Variants in KCTD18 observed in about 807,000 individuals in gnomAD.
KCTD18 encodes the protein potassium channel tetramerization domain containing 18.
Under a neutral mutation model 30.4 loss-of-function variants are expected in KCTD18, and 22 were observed. The observed-to-expected ratio is 0.72, with a 90% CI of 0.52 to 1.03. KCTD18 has a LOEUF of 1.03. Among genes scored for constraint, KCTD18 ranks in the 50% least tolerant of loss-of-function variants. KCTD18 has a pLI of 0.00. For missense variants in KCTD18, 529 were observed against 547.6 expected (o/e 0.97, Z 0.34); for synonymous variants, 186 against 209.0 (o/e 0.89, Z 0.95).
At chr2:200,500,249 C>T (rs755060991) in intron 3 of KCTD18, among the ~76,000 whole-genome samples, 4 of 148,726 alleles carry the variant, frequency 2.7e-5, no homozygotes, top group African/African-American at 9.8e-5. Context: ...CTCACCACTC[C>T]TATTCAACAT....
At chr2:200,492,917 T>C (rs1253107137) in intron 6 of KCTD18, among the ~76,000 whole-genome samples, 1 of 97,998 alleles carries the variant, frequency 1.0e-5, no homozygotes, top group African/African-American at 3.0e-5. Flanking sequence ...CTGTGTCCAC[T>C]AGTAATTTTA....
intron 5 of KCTD18, 53 bp from the exon 6 acceptor site, chr2:200,493,327 G>A (rs2087950772): frequency 3.8e-6 from 4 of 1,046,146 alleles, no homozygotes; most frequent in African/African-American, 1.6e-5. Flanking sequence ...GCAAAATGCT[G>A]AGCAACACTG....
chr2:200,502,365 TTAGAG>T lies in KCTD18; in HGVS notation c.372+2378_372+2382del, dbSNP rs551325350. Among the ~76,000 whole-genome samples the T allele has an allele frequency of 1.1e-4, 16 of 152,278 alleles. 1 individual carries two copies. The South Asian group carries it at 3.1e-3, about 30-fold the overall frequency. ...AAATGTAGACCTTTTTCTTTTCCCT[TTAGAG>T]TAATTTCCCCAAAATTTCCCATTTT... On this transcript the variant is annotated intron_variant, in intron 3 of 6. Transcript: ENST00000359878.
intron 3 of KCTD18, among the ~76,000 whole-genome samples, chr2:200,504,435 G>T (rs1197946969): frequency 6.6e-6 from 1 of 150,446 alleles, no homozygotes; most frequent in African/African-American, 2.5e-5. Context: ...CTCCAGCCTG[G>T]GGGACAGAGC....
chr2:200,490,648 T>C (rs765961264), intron 6 of KCTD18, 32 bp from the exon 7 acceptor site: 8 of 1,540,530 alleles, frequency 5.2e-6, no homozygotes, highest in East Asian at 2.3e-5. Flanking sequence ...ATTTTCCACA[T>C]GTATAGTTTT....
intron 3 of KCTD18, among the ~76,000 whole-genome samples, chr2:200,502,535 TC>T (rs2029912706): frequency 6.6e-6 from 1 of 152,166 alleles, no homozygotes; most frequent in South Asian, 2.1e-4. Context: ...ATATCTAAAC[TC>T]CGTATATGCT....
chr2:200,507,066 CA>C lies in KCTD18; in HGVS notation c.-51del. 1 of 1,498,734 alleles carries C rather than the reference CA, an allele frequency of 6.7e-7. No individual in the cohort carries two copies. Among genetic ancestry groups the C allele is most frequent in the South Asian group, 1.2e-5 (1 of 83,806 alleles). The allele number at this position is 1,498,734 out of a possible 1,614,324, so 92.8% of individuals were successfully genotyped here. A position where few individuals can be genotyped will look rare whatever the true frequency, so the allele number is the denominator to read the frequency against. Reference sequence around the variant, plus strand: ...TGCCGCCCAACACTTTCAGAAACTTCAAAACAATGATGTCTTGGTCTCCCTC... The same window carrying C: ...TGCCGCCCAACACTTTCAGAAACTTCAAACAATGATGTCTTGGTCTCCCTC... On this transcript the variant is annotated 5_prime_UTR_variant, in exon 2 of 7. It removes the in-frame stop codon of an upstream open reading frame in the 5' UTR. Coordinates refer to ENST00000359878, the MANE Select transcript of KCTD18 (RefSeq NM_152387.4).
In KCTD18 at chr2:200,506,866, C is replaced by T. The variant is rs2030226892; in HGVS notation, c.151G>A (p.Asp51Asn). 1 of 1,613,596 alleles carries T rather than the reference C, an allele frequency of 6.2e-7. No homozygotes were observed. Among genetic ancestry groups the T allele is most frequent in the African/African-American group, 1.3e-5 (1 of 75,002 alleles). ...MFSGRFPLKT[D>N]ESGACVIDRD... ...GACTTTAGACATTTACCTGACTCAT[C>T]TGTTTTTAGAGGAAAGCGACCACTG... Residue 51 changes from aspartate to asparagine, a missense_variant, in exon 2 of 7, where the codon GAT becomes AAT. Physicochemically the swap from Asp to Asn is conservative, Grantham distance 23. Coordinates refer to ENST00000359878, the MANE Select transcript of KCTD18 (RefSeq NM_152387.4).
intron 6 of KCTD18, among the ~76,000 whole-genome samples, chr2:200,491,699 C>T (rs759789532): frequency 4.6e-5 from 7 of 152,030 alleles, no homozygotes; most frequent in Admixed American, 6.6e-5. Context: ...ACCTTAAAAC[C>T]GTCAAACAAT....
At chr2:200,497,665 TA>T in intron 5 of KCTD18, 87 bp downstream of exon 5, 9 of 886,912 alleles carry the variant, frequency 1.0e-5, no homozygotes, top group South Asian at 1.4e-5. Flanking sequence ...GAATACTTTC[TA>T]AAAAAAGAAA....
At position 200,490,375 on chromosome 2, in the gene KCTD18, C is replaced by T. The variant is rs10203154; in HGVS notation, c.1006G>A (p.Gly336Ser). Residue 336 changes from glycine (G) to serine (S), a missense_variant, in exon 7 of 7, where the codon GGC becomes AGC. Transcript: ENST00000359878. ...TGAGGATGCCCAGGTGCCCCCGTGC[C>T]CACCAGGGCCGTGGCTCTGGAAGGT... ...SAPSRATALVGTGAPGHPQAS... is the reference protein window; with the variant it reads ...SAPSRATALVSTGAPGHPQAS... 8 of 1,614,192 alleles carry T rather than the reference C, an allele frequency of 5.0e-6. No individual in the cohort carries two copies. The Admixed American group carries it at 5.0e-5, about 10-fold the overall frequency.
At position 200,490,201 on chromosome 2, in the gene KCTD18, G is replaced by A. The variant is rs1427029705; in HGVS notation, c.1180C>T (p.Pro394Ser). The change falls in exon 7 of 7, where the codon CCC becomes TCC. Residue 394 changes from proline to serine, a missense_variant. By Grantham distance (74) the Pro-to-Ser change is moderately conservative. Coordinates refer to ENST00000359878, the MANE Select transcript of KCTD18 (RefSeq NM_152387.4). ...LCATAPCLPS[P>S]TATRQANSLK... ...GAGTTGGCCTGCCTCGTGGCCGTGG[G>A]GGAGGGCAGGCAAGGCGCGGTGGCG... 4.3e-6 allele frequency: 7 copies of A among 1,613,954 alleles called. No homozygotes were observed. Among genetic ancestry groups the A allele is most frequent in the African/African-American group, 1.3e-5 (1 of 74,950 alleles).
rs199722039 is a variant in KCTD18 at position 200,490,386 on chromosome 2, G to A, written c.995C>T (p.Thr332Met). 21 of 1,614,178 alleles carry A rather than the reference G, an allele frequency of 1.3e-5. No homozygotes were observed. Among genetic ancestry groups the A allele is most frequent in the African/African-American group, 2.7e-5 (2 of 75,048 alleles). The change falls in exon 7 of 7, where the codon ACG becomes ATG. Residue 332 changes from threonine to methionine, a missense_variant. Physicochemically the swap from Thr to Met is moderately conservative, Grantham distance 81. Coordinates refer to ENST00000359878, the MANE Select transcript of KCTD18 (RefSeq NM_152387.4). ...AGGTGCCCCCGTGCCCACCAGGGCC[G>A]TGGCTCTGGAAGGTGCAGAGCGCTG... ...AAQRSAPSRATALVGTGAPGH... is the reference protein window; with the variant it reads ...AAQRSAPSRAMALVGTGAPGH...
chr2:200,508,011 G>A (rs2030294761), intron 1 of KCTD18, among the ~76,000 whole-genome samples: 1 of 152,170 alleles, frequency 6.6e-6, no homozygotes, highest in African/African-American at 2.4e-5. Flanking sequence ...AGCCAGGCCA[G>A]TCTAGAACTA....
chr2:200,494,261 A>G (rs2087965237), intron 5 of KCTD18, among the ~76,000 whole-genome samples: 1 of 152,190 alleles, frequency 6.6e-6, no homozygotes, highest in Admixed American at 6.5e-5. Flanking sequence ...GGGTGATGAA[A>G]TGTTTAGAAC....
chr2:200,491,891 T>C (rs1385746718), intron 6 of KCTD18, among the ~76,000 whole-genome samples: 1 of 152,216 alleles, frequency 6.6e-6, no homozygotes, highest in African/African-American at 2.4e-5. Context: ...ATAACGTGGT[T>C]ATTTGAAAAT....
chr2:200,504,442 G>A (rs979013237), intron 3 of KCTD18, among the ~76,000 whole-genome samples: 2 of 134,132 alleles, frequency 1.5e-5, no homozygotes, highest in African/African-American at 2.9e-5. Context: ...CTGGGGGACA[G>A]AGCAAGACTC....
At chr2:200,500,803 A>C (rs2088072519) in intron 3 of KCTD18, among the ~76,000 whole-genome samples, 2 of 152,068 alleles carry the variant, frequency 1.3e-5, no homozygotes, top group African/African-American at 4.8e-5. Context: ...TATGGAACCA[A>C]AAAAGAGCCC....
At chr2:200,502,314 AAAAAG>A (rs1158539499) in intron 3 of KCTD18, among the ~76,000 whole-genome samples, 1 of 152,096 alleles carries the variant, frequency 6.6e-6, no homozygotes, top group Non-Finnish European at 1.5e-5. Context: ...AAAAAGAAAA[AAAAAG>A]AAATCTTCAT....
Sources: allele counts gnomAD v4.1 joint callset (sites outside exome capture counted in the v4.1 genomes callset), GRCh38; gene constraint gnomAD v4.1.1; transcripts MANE v1.5; gene names NCBI Gene and HGNC (gene_info 2026-07-23, HGNC 2026-07-21).